The following UNC13C variants were observed in gnomAD, a reference collection of about 807,000 sequenced individuals.
UNC13C encodes protein unc-13 homolog C.
A neutral mutation model predicts 245.4 loss-of-function variants in UNC13C; 174 were observed. The observed-to-expected ratio is 0.71, with a 90% CI of 0.63 to 0.80. The LOEUF (loss-of-function observed/expected upper bound fraction) is 0.80, where lower values mean the gene tolerates loss of function less well. Among genes scored for constraint, UNC13C ranks in the 30% least tolerant of loss-of-function variants. The pLI is 0.00. For missense variants in UNC13C, 2,829 were observed against 2,602.9 expected, an observed-to-expected ratio of 1.09 and a Z score of -1.89; for synonymous variants, 992 against 895.1, an observed-to-expected ratio of 1.11 and a Z score of -1.93.
chr15:54,280,703 C>CAT (rs1567156743), intron 10 of UNC13C, among the ~76,000 whole-genome samples: 108 of 52,280 alleles, frequency 2.1e-3, no homozygotes, highest in African/African-American at 6.7e-3. Context: ...CATATGTATA[C>CAT]ATACATATAT....
intron 4 of UNC13C, among the ~76,000 whole-genome samples, chr15:54,191,849 T>C (rs1166550699): frequency 6.6e-6 from 1 of 152,200 alleles, no homozygotes; most frequent in Non-Finnish European, 1.5e-5. Context: ...CATAAATGTC[T>C]TCTTTTGAGA....
chr15:54,072,919 A>G (rs928902156), intron 2 of UNC13C, among the ~76,000 whole-genome samples: 1 of 151,992 alleles, frequency 6.6e-6, no homozygotes, highest in African/African-American at 2.4e-5. Flanking sequence ...ACTGAGGTAC[A>G]TATGCAGAAC....
At chr15:54,459,429 G>T (rs1220319545) in intron 19 of UNC13C, among the ~76,000 whole-genome samples, 1 of 152,022 alleles carries the variant, frequency 6.6e-6, no homozygotes, top group Non-Finnish European at 1.5e-5. Context: ...TCTTGTATTT[G>T]GATGTGAAGA....
intron 32 of UNC13C, 128 bp from the exon 33 acceptor site, chr15:54,626,700 C>CTGA (rs1014243873): frequency 2.7e-4 from 234 of 856,746 alleles, no homozygotes; most frequent in Non-Finnish European, 3.8e-4. Context: ...TTAAAATACA[C>CTGA]TGATATCCTA....
At chr15:53,849,004 TA>T in the UNC13C span, among the ~76,000 whole-genome samples, 1 of 151,936 alleles carries the variant, frequency 6.6e-6, no homozygotes, top group Non-Finnish European at 1.5e-5. Flanking sequence ...CCATTACTCT[TA>T]ATCTACATTT....
intron 13 of UNC13C, among the ~76,000 whole-genome samples, chr15:54,310,056 T>G (rs1380290796): frequency 6.6e-6 from 1 of 151,844 alleles, no homozygotes; most frequent in East Asian, 1.9e-4. Flanking sequence ...GGGGAGAATA[T>G]TAAACATTTC....
At chr15:54,004,521 T>C (rs528531774) in intron 1 of UNC13C, among the ~76,000 whole-genome samples, 2 of 152,350 alleles carry the variant, frequency 1.3e-5, no homozygotes, top group East Asian at 1.9e-4. Context: ...TTTGAGTATA[T>C]ATCCAACAGC....
chr15:54,051,636 CTTTA>C (rs202229715), intron 2 of UNC13C, among the ~76,000 whole-genome samples: 10 of 150,918 alleles, frequency 6.6e-5, no homozygotes, highest in Admixed American at 2.0e-4. Flanking sequence ...GTTATACAGA[CTTTA>C]TTTATTTATT....
Position 54,309,201 on chromosome 15 carries a change from A to G in UNC13C, c.4268+8828A>G, listed in dbSNP as rs149438423. ...ACCTTTTTTGGTAATAGCCATTCCA[A>G]TAGGAGTGAGGTGATAGCTTATCGT... On this transcript the variant is annotated intron_variant, in intron 13 of 32. Transcript: ENST00000260323. Among the ~76,000 whole-genome samples, 491 of 151,890 alleles carry G rather than the reference A, an allele frequency of 3.2e-3. 18 individuals are homozygous for G. The East Asian group carries it at 0.066, about 21-fold the overall frequency.
At chr15:54,209,090 T>G (rs2034799942) in intron 4 of UNC13C, among the ~76,000 whole-genome samples, 1 of 152,116 alleles carries the variant, frequency 6.6e-6, no homozygotes, top group South Asian at 2.1e-4. Flanking sequence ...TACTACAAAC[T>G]AGTCTTTTAG....
At chr15:54,463,137 C>T (rs1326305692) in intron 19 of UNC13C, among the ~76,000 whole-genome samples, 1 of 151,394 alleles carries the variant, frequency 6.6e-6, no homozygotes, top group East Asian at 2.0e-4. Flanking sequence ...ATGCACCACT[C>T]AGCACCCTGT....
intron 19 of UNC13C, among the ~76,000 whole-genome samples, chr15:54,433,834 C>T (rs1444304394): frequency 1.3e-5 from 2 of 151,952 alleles, no homozygotes; most frequent in Non-Finnish European, 2.9e-5. Context: ...TTTAGAAAAC[C>T]GATTGTCTCA....
intron 2 of UNC13C, among the ~76,000 whole-genome samples, chr15:54,098,103 C>A (rs754857008): frequency 5.9e-5 from 9 of 152,152 alleles, no homozygotes; most frequent in Non-Finnish European, 1.2e-4. Context: ...CCAGGACAGG[C>A]CATTCTGGGG....
At chr15:54,126,630 A>C (rs937274913) in intron 2 of UNC13C, among the ~76,000 whole-genome samples, 1 of 152,194 alleles carries the variant, frequency 6.6e-6, no homozygotes, top group African/African-American at 2.4e-5. Context: ...AGGCAATACC[A>C]TTCAGGATAT....
intron 19 of UNC13C, among the ~76,000 whole-genome samples, chr15:54,448,036 G>A (rs982009402): frequency 2.0e-5 from 3 of 152,168 alleles, no homozygotes; most frequent in Admixed American, 2.0e-4. Context: ...TATGTACCCA[G>A]TAGTCATTCA....
chr15:54,264,228 C>A lies in UNC13C; in HGVS notation c.3509C>A (p.Ala1170Glu). Residue 1170 changes from alanine to glutamate, a missense_variant, in exon 9 of 33, where the codon GCA (alanine) becomes GAA (glutamate). Coordinates refer to ENST00000260323, the MANE Select transcript of UNC13C (RefSeq NM_001080534.3). ...GACAAGACTCAGACCATTATTACAG[C>A]AATGAAAGAAAGAATGAAGATCAGG... ...AEDKTQTIIT[A>E]MKERMKIREK... 1 of 1,595,648 alleles carries A rather than the reference C, an allele frequency of 6.3e-7. No individual in the cohort carries two copies. The highest frequency in any genetic ancestry group is 8.5e-7 in the Non-Finnish European group (1 of 1,170,510).
At chr15:54,520,519 A>T (rs1228219360) in intron 24 of UNC13C, among the ~76,000 whole-genome samples, 2 of 152,194 alleles carry the variant, frequency 1.3e-5, no homozygotes, top group Non-Finnish European at 2.9e-5. Context: ...CATATGGGTG[A>T]TAATTGAAGC....
At chr15:54,254,525 G>A (rs2140873470) in intron 8 of UNC13C, among the ~76,000 whole-genome samples, 1 of 152,238 alleles carries the variant, frequency 6.6e-6, no homozygotes, top group South Asian at 2.1e-4. Context: ...AATGAATGAA[G>A]GAACAAGAAC....
chr15:53,945,714 C>G, the UNC13C span, among the ~76,000 whole-genome samples: 2 of 151,804 alleles, frequency 1.3e-5, no homozygotes. Context: ...TTAGAATTGC[C>G]TTTGTTATTT....
Sources: allele counts gnomAD v4.1 joint callset (sites outside exome capture counted in the v4.1 genomes callset), GRCh38; gene constraint gnomAD v4.1.1; transcripts MANE v1.5; gene names NCBI Gene and HGNC (gene_info 2026-07-23, HGNC 2026-07-21).